The following ATRNL1 variants were observed in gnomAD, a reference collection of about 807,000 sequenced individuals.
ATRNL1 encodes the protein attractin like 1.
ATRNL1 carries 95 observed loss-of-function variants against 182.7 expected under a neutral mutation model. The ratio of observed to expected loss-of-function variants is 0.52; its 90% confidence interval spans 0.44 to 0.62. The LOEUF (loss-of-function observed/expected upper bound fraction) is 0.62, where lower values mean the gene tolerates loss of function less well. Ranked by LOEUF, ATRNL1 falls within the 20% of genes least tolerant of loss-of-function variation. The pLI is 0.00. For missense variants in ATRNL1, 1,471 were observed against 1,679.5 expected (o/e 0.88, Z 2.17); for synonymous variants, 576 against 568.3 (o/e 1.01, Z -0.19).
At chr10:115,842,222 A>G (rs1221268353) in intron 27 of ATRNL1, among the ~76,000 whole-genome samples, 1 of 152,042 alleles carries the variant, frequency 6.6e-6, no homozygotes, top group Non-Finnish European at 1.5e-5. Flanking sequence ...ATCCACATTA[A>G]TCCTTAATTC....
At chr10:115,561,367 T>A (rs2784801) in intron 26 of ATRNL1, among the ~76,000 whole-genome samples, 1 of 151,964 alleles carries the variant, frequency 6.6e-6, no homozygotes, top group Non-Finnish European at 1.5e-5. Flanking sequence ...ATATATGCAG[T>A]TTGCCCTTTG....
chr10:115,439,759 A>G (rs1846579141), intron 21 of ATRNL1, among the ~76,000 whole-genome samples: 1 of 151,914 alleles, frequency 6.6e-6, no homozygotes, highest in Non-Finnish European at 1.5e-5. Flanking sequence ...AAATTTGACT[A>G]CAGTAGTAGG....
intron 17 of ATRNL1, among the ~76,000 whole-genome samples, chr10:115,303,645 T>G (rs1853593531): frequency 1.3e-5 from 2 of 152,206 alleles, no homozygotes; most frequent in Admixed American, 6.5e-5. Context: ...AGTTCCCTTC[T>G]TCTCAACATC....
At chr10:115,727,065 T>A (rs1947621690) in intron 26 of ATRNL1, among the ~76,000 whole-genome samples, 183 bp from the exon 27 acceptor site, 1 of 152,130 alleles carries the variant, frequency 6.6e-6, no homozygotes, top group Non-Finnish European at 1.5e-5. Context: ...AAAGCTTCTG[T>A]GGACATACAG....
intron 27 of ATRNL1, among the ~76,000 whole-genome samples, chr10:115,781,323 A>G (rs1005741037): frequency 1.3e-5 from 2 of 152,188 alleles, no homozygotes; most frequent in African/African-American, 4.8e-5. Context: ...ACATATACAT[A>G]CTGTATGACC....
Position 115,727,276 on chromosome 10 carries a change from C to A in ATRNL1, c.3824C>A (p.Ala1275Asp). ...EQLLRERQQMASRPFASVDVA... is the reference protein window; with the variant it reads ...EQLLRERQQMDSRPFASVDVA... ...CTGCTTCGAGAACGACAGCAGATGG[C>A]CAGCCGTCCCTTTGCTTCTGTTGAT... Residue 1275 changes from alanine to aspartate, a missense_variant, in exon 27 of 29, where the codon GCC (alanine) becomes GAC (aspartate). Ala to Asp is a moderately radical substitution (Grantham distance 126). Coordinates refer to ENST00000355044, the MANE Select transcript of ATRNL1 (RefSeq NM_207303.4). The A allele has an allele frequency of 6.2e-7, 1 of 1,614,022 alleles. No individual in the cohort carries two copies. Among genetic ancestry groups the A allele is most frequent in the Non-Finnish European group, 8.5e-7 (1 of 1,179,920 alleles).
intron 19 of ATRNL1, among the ~76,000 whole-genome samples, chr10:115,372,389 A>T (rs1202605447): frequency 3.4e-5 from 5 of 146,842 alleles, no homozygotes; most frequent in Non-Finnish European, 7.4e-5. Context: ...ATTTGTCTAT[A>T]TTTTTTTTGT....
At chr10:115,501,616 C>T (rs1849842760) in intron 24 of ATRNL1, among the ~76,000 whole-genome samples, 1 of 152,058 alleles carries the variant, frequency 6.6e-6, no homozygotes, top group Non-Finnish European at 1.5e-5. Flanking sequence ...GTTAAGAATA[C>T]TAACAAGTAG....
intron 10 of ATRNL1, among the ~76,000 whole-genome samples, chr10:115,247,111 C>T (rs1850677795): frequency 1.3e-5 from 2 of 152,060 alleles, no homozygotes; most frequent in African/African-American, 4.8e-5. Flanking sequence ...AGAAGACTTT[C>T]TGCAAAAGGC....
intron 21 of ATRNL1, among the ~76,000 whole-genome samples, chr10:115,439,122 G>A (rs1846542778): frequency 6.6e-6 from 1 of 151,876 alleles, no homozygotes; most frequent in Non-Finnish European, 1.5e-5. Flanking sequence ...AATATATTTA[G>A]TATTCATTAA....
intron 1 of ATRNL1, among the ~76,000 whole-genome samples, chr10:115,113,209 G>C (rs1424116619): frequency 6.6e-6 from 1 of 152,156 alleles, no homozygotes; most frequent in Non-Finnish European, 1.5e-5. Flanking sequence ...TATAACATCT[G>C]CTTATTATGA....
chr10:115,699,316 A>T (rs1209562467), intron 26 of ATRNL1, among the ~76,000 whole-genome samples: 1 of 152,204 alleles, frequency 6.6e-6, no homozygotes, highest in Non-Finnish European at 1.5e-5. Context: ...AAAGCAAAGT[A>T]TCAAGAATAT....
intron 17 of ATRNL1, among the ~76,000 whole-genome samples, chr10:115,313,376 G>A (rs1854132876): frequency 6.6e-6 from 1 of 151,878 alleles, no homozygotes; most frequent in Non-Finnish European, 1.5e-5. Context: ...GGCTCTTGGT[G>A]CTTTCAGTCA....
intron 27 of ATRNL1, among the ~76,000 whole-genome samples, chr10:115,779,639 A>T (rs1949214121): frequency 6.6e-6 from 1 of 152,080 alleles, no homozygotes; most frequent in African/African-American, 2.4e-5. Context: ...ATCCTTTTTT[A>T]TTTTTTCTAA....
intron 18 of ATRNL1, among the ~76,000 whole-genome samples, chr10:115,317,463 A>G (rs1554930052): frequency 6.6e-6 from 1 of 152,156 alleles, no homozygotes. Context: ...ATAGCACTGA[A>G]TCTATAAATT....
chr10:115,597,570 T>G, intron 26 of ATRNL1: 1 of 7,054 alleles, frequency 1.4e-4, no homozygotes, highest in Non-Finnish European at 4.6e-4. Flanking sequence ...TATGGGAGCT[T>G]TTTTTTTTTT....
chr10:115,166,619 C>G (rs912294309), intron 7 of ATRNL1, among the ~76,000 whole-genome samples: 1 of 151,776 alleles, frequency 6.6e-6, no homozygotes, highest in Non-Finnish European at 1.5e-5. Context: ...GAGTATCTCA[C>G]TGTGATTTTG....
chr10:115,332,088 T>C (rs1194779396), intron 18 of ATRNL1, among the ~76,000 whole-genome samples: 2 of 152,218 alleles, frequency 1.3e-5, no homozygotes, highest in Non-Finnish European at 2.9e-5. Context: ...ATGCTCTTCA[T>C]GGGCTGATGC....
At position 115,412,172 on chromosome 10, in the gene ATRNL1, T is replaced by C. The variant is rs565200398; in HGVS notation, c.3270-14078T>C. Reference sequence around the variant, plus strand: ...TAGTGATTTTTTCTTTTGCTGGCTCTGAGAAAAATGTAGCTGAGAGTATCC... The same window carrying C: ...TAGTGATTTTTTCTTTTGCTGGCTCCGAGAAAAATGTAGCTGAGAGTATCC... On this transcript the variant is annotated intron_variant, in intron 20 of 28. Coordinates refer to ENST00000355044, the MANE Select transcript of ATRNL1 (RefSeq NM_207303.4). Among the ~76,000 whole-genome samples the C allele has an allele frequency of 3.3e-5, 5 of 152,282 alleles. No homozygotes were observed. The East Asian group carries it at 9.6e-4, about 29-fold the overall frequency.
Sources: allele counts gnomAD v4.1 joint callset (sites outside exome capture counted in the v4.1 genomes callset), GRCh38; gene constraint gnomAD v4.1.1; transcripts MANE v1.5; gene names NCBI Gene and HGNC (gene_info 2026-07-23, HGNC 2026-07-21).